Variants in TGFA observed in about 807,000 individuals in gnomAD.
TGFA encodes the protein protransforming growth factor alpha.
A neutral mutation model predicts 21.7 loss-of-function variants in TGFA; 12 were observed. That is an observed-to-expected ratio of 0.55 (90% CI 0.35 to 0.90). The LOEUF is 0.90. Ranked by LOEUF, TGFA falls within the 40% of genes least tolerant of loss-of-function variation. The probability of loss-of-function intolerance (pLI) is 0.01; values close to 1 mark genes in which losing one functional copy is unlikely to be tolerated. For missense variants in TGFA, 178 were observed against 210.8 expected (o/e 0.84, Z 0.96); for synonymous variants, 79 against 88.1 (o/e 0.90, Z 0.58).
At chr2:70,522,255 C>G (rs1672495841) in intron 1 of TGFA, among the ~76,000 whole-genome samples, 1 of 152,086 alleles carries the variant, frequency 6.6e-6, no homozygotes, top group African/African-American at 2.4e-5. Flanking sequence ...AAGACTTGGA[C>G]TAGGGGCTGG....
chr2:70,459,044 T>C (rs1259804568), intron 3 of TGFA, among the ~76,000 whole-genome samples: 1 of 152,206 alleles, frequency 6.6e-6, no homozygotes, highest in African/African-American at 2.4e-5. Flanking sequence ...AAAGGTACCA[T>C]AATGAGGATT....
At position 70,485,301 on chromosome 2, in the gene TGFA, C is replaced by T. The variant is rs112157056; in HGVS notation, c.95-19565G>A. 2.6e-3 allele frequency among the ~76,000 whole-genome samples: 402 copies of T among 152,244 alleles called. 1 individual carries two copies. Among genetic ancestry groups the T allele is most frequent in the African/African-American group, 8.4e-3 (350 of 41,522 alleles). On this transcript the variant is annotated intron_variant, in intron 2 of 5. Transcript: ENST00000295400. ...TCACCCAGGCTAGAGTGCAGTGGCACGATCTGGCTCACTGCAACCCCCGCC... is the reference window on the plus strand; with the variant it reads ...TCACCCAGGCTAGAGTGCAGTGGCATGATCTGGCTCACTGCAACCCCCGCC...
chr2:70,458,872 C>G lies in TGFA; in HGVS notation c.216-2384G>C, dbSNP rs191387539. On this transcript the variant is annotated intron_variant, in intron 3 of 5. Transcript: ENST00000295400. ...GCCTTCTTGCTCTTGCAGGGCAGGG[C>G]TTAGCTCTACAGAAACCTCCGGTGA... Among the ~76,000 whole-genome samples the G allele has an allele frequency of 3.9e-3, 592 of 152,304 alleles. 4 individuals are homozygous for G. Among genetic ancestry groups the G allele is most frequent in the African/African-American group, 0.013 (554 of 41,558 alleles).
intron 2 of TGFA, among the ~76,000 whole-genome samples, chr2:70,469,971 A>T (rs1430880456): frequency 6.6e-6 from 1 of 152,184 alleles, no homozygotes; most frequent in African/African-American, 2.4e-5. Context: ...TATAAATGAC[A>T]TGAGGTGGTG....
rs144163802 is a variant in TGFA at position 70,475,670 on chromosome 2, T to A, written c.95-9934A>T. Among the ~76,000 whole-genome samples the A allele has an allele frequency of 3.1e-3, 478 of 151,868 alleles. 5 individuals carry two copies. Among genetic ancestry groups the A allele is most frequent in the African/African-American group, 0.011 (454 of 41,374 alleles). The stretch of plus-strand genomic sequence containing the variant: ...ATTTTAGAATTAAAAGGGCTAAGAG[T>A]CCCAAGGCAAATGGCTTTAATTAGC... On this transcript the variant is annotated intron_variant, in intron 2 of 5. Coordinates refer to ENST00000295400, the MANE Select transcript of TGFA (RefSeq NM_003236.4).
chr2:70,467,270 G>C (rs1394098487), intron 2 of TGFA: 1 of 152,170 alleles, frequency 6.6e-6, no homozygotes, highest in Non-Finnish European at 1.5e-5. Flanking sequence ...TCAGTGTTGG[G>C]AAATTCTTTT....
chr2:70,477,364 A>C (rs1670970265), intron 2 of TGFA, among the ~76,000 whole-genome samples: 1 of 152,216 alleles, frequency 6.6e-6, no homozygotes, highest in Non-Finnish European at 1.5e-5. Flanking sequence ...ACAAAATCCC[A>C]AAAGAGTACA....
intron 1 of TGFA, among the ~76,000 whole-genome samples, chr2:70,548,488 G>A (rs1559147673): frequency 6.6e-6 from 1 of 152,230 alleles, no homozygotes; most frequent in African/African-American, 2.4e-5. Flanking sequence ...GTTCCGTCTT[G>A]AGGAAACCCT....
chr2:70,507,701 G>A (rs1671969631), intron 2 of TGFA, among the ~76,000 whole-genome samples: 1 of 152,218 alleles, frequency 6.6e-6, no homozygotes, highest in Non-Finnish European at 1.5e-5. Flanking sequence ...CGCTATTAAT[G>A]TTAAGCTATT....
chr2:70,464,892 T>G (rs1045635186), intron 3 of TGFA, among the ~76,000 whole-genome samples: 3 of 152,212 alleles, frequency 2.0e-5, no homozygotes, highest in Admixed American at 6.5e-5. Context: ...CTAACTGGTC[T>G]AACCCTAACA....
At chr2:70,541,178 A>G (rs1673122008) in intron 1 of TGFA, among the ~76,000 whole-genome samples, 1 of 152,240 alleles carries the variant, frequency 6.6e-6, no homozygotes, top group African/African-American at 2.4e-5. Context: ...TTCAGGTTTG[A>G]ATATTTAAAA....
intron 2 of TGFA, among the ~76,000 whole-genome samples, chr2:70,511,550 A>T (rs1553500923): frequency 1.3e-5 from 2 of 152,248 alleles, no homozygotes; most frequent in African/African-American, 4.8e-5. Context: ...ACAAAATTAA[A>T]TACAGCATCA....
chr2:70,480,654 C>G (rs1209125958), intron 2 of TGFA, among the ~76,000 whole-genome samples: 2 of 152,134 alleles, frequency 1.3e-5, no homozygotes, highest in African/African-American at 4.8e-5. Context: ...TAAAAAGTTT[C>G]TCCATGAGGC....
At chr2:70,460,617 C>G (rs1275604434) in intron 3 of TGFA, among the ~76,000 whole-genome samples, 1 of 152,198 alleles carries the variant, frequency 6.6e-6, no homozygotes, top group African/African-American at 2.4e-5. Context: ...GTGTATTGGG[C>G]TCACACATTC....
intron 2 of TGFA, 47 bp from the exon 3 acceptor site, chr2:70,465,783 T>A (rs893376432): frequency 6.2e-7 from 1 of 1,608,440 alleles, no homozygotes; most frequent in Non-Finnish European, 8.5e-7. Context: ...ACAGCTGACA[T>A]GCAAACCCCA....
intron 2 of TGFA, among the ~76,000 whole-genome samples, chr2:70,477,191 A>G (rs1349530634): frequency 2.6e-5 from 4 of 152,242 alleles, no homozygotes; most frequent in East Asian, 1.9e-4. Context: ...AAGAAAAATC[A>G]TGTTACTGCC....
At chr2:70,469,680 C>T (rs904224790) in intron 2 of TGFA, among the ~76,000 whole-genome samples, 1 of 152,170 alleles carries the variant, frequency 6.6e-6, no homozygotes, top group African/African-American at 2.4e-5. Flanking sequence ...GAGACGCAGG[C>T]TTGTGTTACA....
At chr2:70,484,306 A>G (rs1418475016) in intron 2 of TGFA, among the ~76,000 whole-genome samples, 8 of 152,216 alleles carry the variant, frequency 5.3e-5, no homozygotes, top group Non-Finnish European at 1.2e-4. Context: ...ACCCATCTGA[A>G]GTTTGTTGCC....
intron 1 of TGFA, among the ~76,000 whole-genome samples, chr2:70,534,413 G>A (rs1481457941): frequency 1.3e-5 from 2 of 152,348 alleles, no homozygotes; most frequent in Admixed American, 6.5e-5. Flanking sequence ...GGGGGATGAG[G>A]AGGAGGTGAA....
Sources: allele counts gnomAD v4.1 joint callset (sites outside exome capture counted in the v4.1 genomes callset), GRCh38; gene constraint gnomAD v4.1.1; transcripts MANE v1.5; gene names NCBI Gene and HGNC (gene_info 2026-07-23, HGNC 2026-07-21).